CACNA1C: variants seen among roughly 807,000 people sequenced by gnomAD.
The protein encoded by CACNA1C is voltage-dependent L-type calcium channel subunit alpha-1C.
A neutral mutation model predicts 229.0 loss-of-function variants in CACNA1C; 30 were observed. The ratio of observed to expected loss-of-function variants is 0.13; its 90% CI spans 0.10 to 0.18. CACNA1C has a LOEUF of 0.18. Ranked by LOEUF, CACNA1C falls within the 10% of genes least tolerant of loss-of-function variation. The pLI, the probability that CACNA1C is intolerant of heterozygous loss-of-function variation, is 1.00. For synonymous variants in CACNA1C, 1,114 were observed against 1,132.5 expected (o/e 0.98, Z 0.33); for missense variants, 1,658 against 2,845.0 (o/e 0.58, Z 9.49).
chr12:2,172,760 G>A (rs918157352), intron 3 of CACNA1C, among the ~76,000 whole-genome samples: 2 of 152,230 alleles, frequency 1.3e-5, no homozygotes, highest in Non-Finnish European at 2.9e-5. Context: ...GCACAAATAA[G>A]GGAATGAAGC....
intron 43 of CACNA1C, among the ~76,000 whole-genome samples, chr12:2,683,603 T>C (rs958801950): frequency 3.9e-5 from 6 of 152,220 alleles, no homozygotes; most frequent in African/African-American, 1.4e-4. Context: ...CTGGGTCCCA[T>C]GGGCTTGCGT....
At position 2,539,289 on chromosome 12, in the gene CACNA1C, A is replaced by T. The variant is rs113108771; in HGVS notation, c.1391-10654A>T. ...GATGCAGGCAGGGTTTAAGGACTTA[A>T]GGAGGGCTTCATAAAGATGCAGGCA... On this transcript the variant is annotated intron_variant, in intron 9 of 46. Transcript: ENST00000399655. 5.4e-5 allele frequency among the ~76,000 whole-genome samples: 4 copies of T among 73,904 alleles called. No individual in the cohort carries two copies. In the Admixed American group the frequency reaches 5.9e-4, roughly 11 times the overall value. The allele number at this position is 73,904 out of a possible 152,430, so 48.5% of individuals were successfully genotyped here.
rs766598033 is a variant in CACNA1C, at chr12:2,287,291, G to A, written c.478-161685G>A. ...GGCAAGTATTGAGTCATTCCTGCTC[G>A]TCTGGATTGTGATTGCGACCCGTGC... is the stretch of plus-strand genomic sequence containing the variant. On this transcript the variant is annotated intron_variant, in intron 3 of 46. Coordinates refer to ENST00000399655, the MANE Select transcript of CACNA1C (RefSeq NM_000719.7). This position sits in a 1 kb window ranked among gnomAD's most constrained non-coding sequence, Gnocchi z 4.6. Among the ~76,000 whole-genome samples, 18 of 152,356 alleles carry A rather than the reference G, an allele frequency of 1.2e-4. No homozygotes were observed. Among genetic ancestry groups the A allele is most frequent in the Admixed American group, 3.3e-4 (5 of 15,310 alleles).
chr12:2,311,078 G>A (rs10848645), intron 3 of CACNA1C, among the ~76,000 whole-genome samples: 67,578 of 152,054 alleles, frequency 0.44, 17,128 homozygotes, highest in East Asian at 0.66. Context: ...CTCTCTGCCC[G>A]GAATCCACAG....
rs1220406963 is a variant in CACNA1C at position 2,630,756 on chromosome 12, A to G, written c.3829-3541A>G. Among the ~76,000 whole-genome samples, 1 of 152,194 alleles carries G rather than the reference A, an allele frequency of 6.6e-6. No individual in the cohort carries two copies. Among genetic ancestry groups the G allele is most frequent in the African/African-American group, 2.4e-5 (1 of 41,454 alleles). ...CTGGGGCACAGGAGCTCTCAGCGAC[A>G]AGGAACCTGGTTGGTTTCTGCAGCT... On this transcript the variant is annotated intron_variant, in intron 29 of 46. Transcript: ENST00000399655. The surrounding 1 kb of genome is among the most constrained non-coding windows in gnomAD (Gnocchi z 5.4).
At chr12:2,409,186 T>C (rs4765929) in intron 3 of CACNA1C, among the ~76,000 whole-genome samples, 54,014 of 152,082 alleles carry the variant, frequency 0.36, 9,863 homozygotes, top group Admixed American at 0.48. Flanking sequence ...TTAAAACACT[T>C]CTTGGATGAA....
At chr12:2,322,239 C>T (rs190029631) in intron 3 of CACNA1C, among the ~76,000 whole-genome samples, 2 of 152,286 alleles carry the variant, frequency 1.3e-5, no homozygotes, top group East Asian at 1.9e-4. Context: ...CAAGGTGAAT[C>T]GGGCTGAATC....
intron 3 of CACNA1C, among the ~76,000 whole-genome samples, chr12:2,439,877 A>G (rs986024949): frequency 6.6e-6 from 1 of 152,060 alleles, no homozygotes; most frequent in Non-Finnish European, 1.5e-5. Flanking sequence ...CTTCTGCTTT[A>G]CAAGAATGTC....
chr12:2,461,064 C>G (rs1442180687), intron 5 of CACNA1C, among the ~76,000 whole-genome samples: 1 of 152,208 alleles, frequency 6.6e-6, no homozygotes, highest in Non-Finnish European at 1.5e-5. Flanking sequence ...TGTATTTCAG[C>G]AAAACTCCTC....
chr12:2,555,263 C>T (rs964215008), intron 10 of CACNA1C, among the ~76,000 whole-genome samples: 4 of 152,212 alleles, frequency 2.6e-5, no homozygotes, highest in Non-Finnish European at 5.9e-5. Context: ...ACTTGTGACC[C>T]GCTTGCACTG....
chr12:2,348,331 T>C lies in CACNA1C; in HGVS notation c.478-100645T>C, dbSNP rs1308984145. ...GCTGGCCCTGAGGATCTAGACCCTTTGGATCCTATGTGCGGGGGACTTCCC... is the reference window on the plus strand; with the variant it reads ...GCTGGCCCTGAGGATCTAGACCCTTCGGATCCTATGTGCGGGGGACTTCCC... On this transcript the variant is annotated intron_variant, in intron 3 of 46. Coordinates refer to ENST00000399655, the MANE Select transcript of CACNA1C (RefSeq NM_000719.7). The surrounding 1 kb of genome is among the most constrained non-coding windows in gnomAD (Gnocchi z 4.7). 6.6e-6 allele frequency among the ~76,000 whole-genome samples: 1 copy of C among 152,216 alleles called. No individual in the cohort carries two copies. Among genetic ancestry groups the C allele is most frequent in the Admixed American group, 6.5e-5 (1 of 15,284 alleles).
At chr12:2,684,650 C>CA (rs2153829751) in intron 43 of CACNA1C, among the ~76,000 whole-genome samples, 1 of 152,234 alleles carries the variant, frequency 6.6e-6, no homozygotes, top group Admixed American at 6.5e-5. Flanking sequence ...GTACAACCCC[C>CA]AGGGGTACAG....
chr12:2,149,779 C>T (rs774165246), intron 3 of CACNA1C, among the ~76,000 whole-genome samples: 2 of 151,974 alleles, frequency 1.3e-5, no homozygotes, highest in Non-Finnish European at 2.9e-5. Flanking sequence ...TGTGTAGGAC[C>T]CAGGGGGGAG....
intron 3 of CACNA1C, among the ~76,000 whole-genome samples, chr12:2,238,388 C>T (rs183110991): frequency 9.5e-4 from 145 of 152,320 alleles, no homozygotes; most frequent in Admixed American, 1.6e-3. Context: ...TCACCCTTGC[C>T]TTCAATGTGA....
chr12:2,036,306 G>A (rs944432713), intron 1 of CACNA1C, among the ~76,000 whole-genome samples: 1 of 152,188 alleles, frequency 6.6e-6, no homozygotes. Flanking sequence ...CTCACAGCTG[G>A]ACCTTCCAGA....
At chr12:2,365,000 A>G (rs914842539) in intron 3 of CACNA1C, among the ~76,000 whole-genome samples, 1 of 152,264 alleles carries the variant, frequency 6.6e-6, no homozygotes, top group East Asian at 1.9e-4. Context: ...TGAGTGGCCT[A>G]CAGGCTAGAA....
intron 3 of CACNA1C, among the ~76,000 whole-genome samples, chr12:2,314,232 T>A (rs931542063): frequency 1.3e-5 from 2 of 152,212 alleles, no homozygotes; most frequent in African/African-American, 4.8e-5. Context: ...TGCTCATATA[T>A]TCAGATGCCC....
chr12:2,010,398 C>CA (rs1565915127), intron 1 of CACNA1C, among the ~76,000 whole-genome samples: 1 of 151,932 alleles, frequency 6.6e-6, no homozygotes, highest in Non-Finnish European at 1.5e-5. Flanking sequence ...AGACATCTAC[C>CA]AGGGGGGGCT....
At chr12:2,211,290 T>C (rs1283870694) in intron 3 of CACNA1C, among the ~76,000 whole-genome samples, 1 of 152,258 alleles carries the variant, frequency 6.6e-6, no homozygotes, top group Non-Finnish European at 1.5e-5. Context: ...ACAGTAACCA[T>C]GTTCCAGCAG....
Sources: allele counts gnomAD v4.1 joint callset (sites outside exome capture counted in the v4.1 genomes callset), GRCh38; gene constraint gnomAD v4.1.1; non-coding constraint Gnocchi (gnomAD v3.1); transcripts MANE v1.5; gene names NCBI Gene and HGNC (gene_info 2026-07-23, HGNC 2026-07-21).